Variants in ZNF804B observed in about 807,000 individuals in gnomAD.
ZNF804B encodes zinc finger protein 804B, also known as zinc finger 804B.
A neutral mutation model predicts 101.4 loss-of-function variants in ZNF804B; 80 were observed. That is an observed-to-expected ratio of 0.79 (90% CI 0.66 to 0.95). The LOEUF (loss-of-function observed/expected upper bound fraction) is 0.95. Among genes scored for constraint, ZNF804B ranks in the 40% least tolerant of loss-of-function variants. The probability of loss-of-function intolerance (pLI) is 0.00; values close to 1 mark genes in which losing one functional copy is unlikely to be tolerated. For synonymous variants in ZNF804B, 622 were observed against 558.8 expected (o/e 1.11, Z -1.59); for missense variants, 1,673 against 1,561.9 (o/e 1.07, Z -1.20).
intron 1 of ZNF804B, among the ~76,000 whole-genome samples, chr7:89,195,827 C>T (rs924491175): frequency 6.6e-6 from 1 of 151,594 alleles, no homozygotes; most frequent in Admixed American, 6.6e-5. Flanking sequence ...GAAGAAAATA[C>T]CTAGAAATAT....
intron 1 of ZNF804B, among the ~76,000 whole-genome samples, chr7:88,854,539 C>CCTTCCCTTCCCT (rs1554340265): frequency 1.4e-5 from 1 of 73,622 alleles, no homozygotes; most frequent in South Asian, 4.8e-4. Context: ...TCCTTCCTTC[C>CCTTCCCTTCCCT]TTCCTTCCTT....
chr7:89,060,230 A>T (rs144732232), intron 1 of ZNF804B, among the ~76,000 whole-genome samples: 10 of 152,200 alleles, frequency 6.6e-5, no homozygotes, highest in African/African-American at 2.4e-4. Context: ...ATCTATATAC[A>T]TGTCATATTG....
Position 89,156,625 on chromosome 7 carries a change from CT to C in ZNF804B, c.109-61520del, listed in dbSNP as rs1013129633. The stretch of plus-strand genomic sequence containing the variant: ...TAGCAGGTGCTCAGAAAAGCATGAA[CT>C]TTTTTTTTTCTATCTATATATTTAC... On this transcript the variant is annotated intron_variant, in intron 1 of 3. Coordinates refer to ENST00000333190, the MANE Select transcript of ZNF804B (RefSeq NM_181646.5). Among the ~76,000 whole-genome samples, 739 of 150,036 alleles carry C rather than the reference CT, an allele frequency of 4.9e-3. 7 individuals carry two copies. Among genetic ancestry groups the C allele is most frequent in the African/African-American group, 0.017 (695 of 40,936 alleles).
At chr7:89,236,622 G>A (rs902367186) in intron 2 of ZNF804B, among the ~76,000 whole-genome samples, 1 of 152,048 alleles carries the variant, frequency 6.6e-6, no homozygotes, top group African/African-American at 2.4e-5. Context: ...AATACAAAGA[G>A]TTCAGAATCC....
At chr7:88,902,669 C>A (rs1324393172) in intron 1 of ZNF804B, among the ~76,000 whole-genome samples, 1 of 151,812 alleles carries the variant, frequency 6.6e-6, no homozygotes, top group Non-Finnish European at 1.5e-5. Flanking sequence ...AATGTAATTT[C>A]CTAACTCTTT....
At chr7:89,048,986 G>A (rs1789156124) in intron 1 of ZNF804B, among the ~76,000 whole-genome samples, 1 of 151,922 alleles carries the variant, frequency 6.6e-6, no homozygotes, top group Admixed American at 6.6e-5. Context: ...AATATTTGCT[G>A]ACAAGGAAGA....
At chr7:89,246,580 C>T (rs1789450783) in intron 2 of ZNF804B, among the ~76,000 whole-genome samples, 3 of 151,902 alleles carry the variant, frequency 2.0e-5, no homozygotes, top group African/African-American at 7.3e-5. Flanking sequence ...TGTTTTATAC[C>T]CAGTGAGATC....
At chr7:89,088,294 T>C (rs1254542778) in intron 1 of ZNF804B, among the ~76,000 whole-genome samples, 1 of 151,990 alleles carries the variant, frequency 6.6e-6, no homozygotes, top group Non-Finnish European at 1.5e-5. Flanking sequence ...AAATGACATG[T>C]AAATAAATTC....
chr7:89,128,202 G>C (rs1011271581), intron 1 of ZNF804B, among the ~76,000 whole-genome samples: 1 of 151,616 alleles, frequency 6.6e-6, no homozygotes, highest in African/African-American at 2.4e-5. Flanking sequence ...TTGTACTTTA[G>C]ACAATTATTT....
intron 1 of ZNF804B, among the ~76,000 whole-genome samples, chr7:89,148,109 T>C (rs751420747): frequency 6.6e-6 from 1 of 151,976 alleles, no homozygotes; most frequent in Non-Finnish European, 1.5e-5. Flanking sequence ...TTGATATAGA[T>C]GAATATGCCA....
chr7:88,845,166 A>T (rs1386153956), intron 1 of ZNF804B, among the ~76,000 whole-genome samples: 2 of 152,210 alleles, frequency 1.3e-5, no homozygotes, highest in Non-Finnish European at 2.9e-5. Flanking sequence ...TAGCCAGATC[A>T]GTTCTGTTTT....
At chr7:88,998,570 G>T (rs1293220554) in intron 1 of ZNF804B, among the ~76,000 whole-genome samples, 1 of 152,006 alleles carries the variant, frequency 6.6e-6, no homozygotes, top group Non-Finnish European at 1.5e-5. Context: ...TTAAGATGTA[G>T]ATTCCTGAGA....
chr7:89,050,706 T>C (rs1436508623), intron 1 of ZNF804B, among the ~76,000 whole-genome samples: 1 of 152,122 alleles, frequency 6.6e-6, no homozygotes, highest in African/African-American at 2.4e-5. Flanking sequence ...GAAATTTTCT[T>C]CCTCTTTCTG....
At chr7:88,855,895 G>A (rs1215408316) in intron 1 of ZNF804B, among the ~76,000 whole-genome samples, 1 of 152,108 alleles carries the variant, frequency 6.6e-6, no homozygotes, top group Non-Finnish European at 1.5e-5. Context: ...TGTCAGGTTT[G>A]TCAAAGATCA....
rs879707251 is a variant in ZNF804B, at chr7:89,183,718, G to T, written c.109-34437G>T. Among the ~76,000 whole-genome samples, 4 of 152,232 alleles carry T rather than the reference G, an allele frequency of 2.6e-5. No individual in the cohort carries two copies. The East Asian group carries it at 5.8e-4, about 22-fold the overall frequency. On this transcript the variant is annotated intron_variant, in intron 1 of 3. Coordinates refer to ENST00000333190, the MANE Select transcript of ZNF804B (RefSeq NM_181646.5). ...ACAATGGCTGTGACAAGATTAGCCAGAATCACAGCACTCATTTTATGAAGA... is the reference window on the plus strand; with the variant it reads ...ACAATGGCTGTGACAAGATTAGCCATAATCACAGCACTCATTTTATGAAGA...
chr7:88,926,569 T>C (rs985000264), intron 1 of ZNF804B, among the ~76,000 whole-genome samples: 7 of 151,914 alleles, frequency 4.6e-5, no homozygotes, highest in African/African-American at 1.7e-4. Flanking sequence ...GATCACGCCA[T>C]AGCACTCCAG....
chr7:89,190,228 A>C (rs1788433792), intron 1 of ZNF804B, among the ~76,000 whole-genome samples: 1 of 151,750 alleles, frequency 6.6e-6, no homozygotes, highest in Non-Finnish European at 1.5e-5. Flanking sequence ...CCAGCTACTC[A>C]GTAGGCTGAG....
chr7:88,827,448 A>G (rs543169274), intron 1 of ZNF804B, among the ~76,000 whole-genome samples: 61 of 151,836 alleles, frequency 4.0e-4, no homozygotes, highest in Middle Eastern at 6.8e-3. Context: ...TTTTTTAACT[A>G]AAAGACAACT....
At chr7:88,969,170 T>C (rs1195872002) in intron 1 of ZNF804B, among the ~76,000 whole-genome samples, 1 of 151,570 alleles carries the variant, frequency 6.6e-6, no homozygotes, top group East Asian at 2.0e-4. Flanking sequence ...TATAGTGATA[T>C]TAAATTAATT....
Sources: allele counts gnomAD v4.1 joint callset (sites outside exome capture counted in the v4.1 genomes callset), GRCh38; gene constraint gnomAD v4.1.1; transcripts MANE v1.5; gene names NCBI Gene and HGNC (gene_info 2026-07-23, HGNC 2026-07-21).